The following SGCZ variants were observed in gnomAD, a reference collection of about 807,000 sequenced individuals.
SGCZ encodes sarcoglycan zeta.
In SGCZ, 40 loss-of-function variants were observed where a neutral mutation model predicts 41.3. The observed-to-expected ratio is 0.97, with a 90% CI of 0.75 to 1.26. The LOEUF is 1.26. Among genes scored for constraint, SGCZ ranks in the 50% most tolerant of loss-of-function variants. SGCZ has a pLI of 0.00. For missense variants in SGCZ, 552 were observed against 369.8 expected, an observed-to-expected ratio of 1.49 and a Z score of -4.04; for synonymous variants, 206 against 137.5, an observed-to-expected ratio of 1.50 and a Z score of -3.49.
At chr8:14,594,218 AAAT>A (rs1490447110) in intron 1 of SGCZ, among the ~76,000 whole-genome samples, 58 of 147,052 alleles carry the variant, frequency 3.9e-4, no homozygotes, top group Admixed American at 1.3e-3. Flanking sequence ...ATAAATAAAT[AAAT>A]AAATAAAATA....
intron 2 of SGCZ, among the ~76,000 whole-genome samples, chr8:14,394,159 T>G (rs1804894509): frequency 4.2e-5 from 6 of 144,136 alleles, no homozygotes; most frequent in African/African-American, 1.6e-4. Context: ...TTTTTTTTTT[T>G]TTTTTTTTTG....
rs1331483850 is a variant in SGCZ at position 15,206,298 on chromosome 8, G to C, written c.39+31287C>G. On this transcript the variant is annotated intron_variant, in intron 1 of 7. Coordinates refer to ENST00000382080, the MANE Select transcript of SGCZ (RefSeq NM_139167.4). ...GAGATCCATATTACAGGCTGAGTTG[G>C]TTGTGAGCAGTACAAAGGGGTTTCT... Among the ~76,000 whole-genome samples the C allele has an allele frequency of 3.3e-5, 5 of 152,128 alleles. No individual in the cohort carries two copies. The East Asian group carries it at 5.8e-4, about 18-fold the overall frequency.
At chr8:14,452,078 A>C (rs189852479) in intron 2 of SGCZ, among the ~76,000 whole-genome samples, 1 of 152,380 alleles carries the variant, frequency 6.6e-6, no homozygotes, top group East Asian at 1.9e-4. Context: ...GGAAATAATC[A>C]AGATGTCCTT....
intron 4 of SGCZ, among the ~76,000 whole-genome samples, chr8:14,228,831 C>G (rs77061142): frequency 6.6e-6 from 1 of 152,110 alleles, no homozygotes; most frequent in East Asian, 1.9e-4. Context: ...TATATTTTGT[C>G]TGGAAAAGGA....
chr8:15,194,583 T>C (rs769850459), intron 1 of SGCZ, among the ~76,000 whole-genome samples: 22 of 151,884 alleles, frequency 1.4e-4, no homozygotes, highest in African/African-American at 4.6e-4. Flanking sequence ...AGGGTTCTAA[T>C]AAAGGGGATG....
At chr8:14,521,059 C>A (rs1802774398) in intron 2 of SGCZ, among the ~76,000 whole-genome samples, 1 of 152,084 alleles carries the variant, frequency 6.6e-6, no homozygotes, top group Non-Finnish European at 1.5e-5. Context: ...CCGTGTACAT[C>A]GTACTCAGCT....
intron 3 of SGCZ, among the ~76,000 whole-genome samples, chr8:14,257,421 A>C (rs1271700347): frequency 6.6e-6 from 1 of 152,108 alleles, no homozygotes; most frequent in Non-Finnish European, 1.5e-5. Flanking sequence ...TTTTACTCTA[A>C]AACTGTTTTT....
chr8:14,984,318 A>C (rs1049325416), intron 1 of SGCZ, among the ~76,000 whole-genome samples: 34 of 152,230 alleles, frequency 2.2e-4, no homozygotes, highest in Non-Finnish European at 4.4e-5. Flanking sequence ...TATTATACAT[A>C]GAACCATAAA....
At chr8:14,617,624 T>A (rs553485453) in intron 1 of SGCZ, among the ~76,000 whole-genome samples, 1 of 152,198 alleles carries the variant, frequency 6.6e-6, no homozygotes, top group Admixed American at 6.5e-5. Flanking sequence ...AACAGAGAAC[T>A]AAATGTGGAG....
intron 1 of SGCZ, among the ~76,000 whole-genome samples, chr8:14,618,462 C>T (rs1322031958): frequency 2.6e-5 from 4 of 152,072 alleles, no homozygotes; most frequent in Admixed American, 2.6e-4. Flanking sequence ...AGAAACAATC[C>T]TGGCATATTC....
chr8:14,349,381 G>T (rs564142222), intron 2 of SGCZ, among the ~76,000 whole-genome samples: 22 of 152,176 alleles, frequency 1.4e-4, no homozygotes, highest in South Asian at 8.3e-4. Context: ...CCCTTTTATA[G>T]TATATATTTG....
intron 3 of SGCZ, among the ~76,000 whole-genome samples, chr8:14,276,169 T>C (rs1189193539): frequency 1.3e-5 from 2 of 152,200 alleles, no homozygotes; most frequent in Non-Finnish European, 2.9e-5. Flanking sequence ...TGGGTGGGCA[T>C]TGAAAGTAGT....
chr8:14,929,551 G>A (rs1052847199), intron 1 of SGCZ, among the ~76,000 whole-genome samples: 9 of 151,460 alleles, frequency 5.9e-5, no homozygotes, highest in African/African-American at 1.7e-4. Context: ...GGCCTCAGGG[G>A]AGTCAAATAA....
At chr8:14,886,798 T>C (rs936889004) in intron 1 of SGCZ, among the ~76,000 whole-genome samples, 2 of 152,148 alleles carry the variant, frequency 1.3e-5, no homozygotes, top group African/African-American at 4.8e-5. Flanking sequence ...TTTGAGTCTT[T>C]AGATCACTTT....
chr8:15,163,863 T>C (rs756549146), intron 1 of SGCZ, among the ~76,000 whole-genome samples: 102 of 152,336 alleles, frequency 6.7e-4, no homozygotes, highest in Non-Finnish European at 1.2e-3. Context: ...TCTTTTGGGC[T>C]GCTATTGAGA....
intron 2 of SGCZ, among the ~76,000 whole-genome samples, chr8:14,520,374 A>G (rs1248722185): frequency 6.6e-6 from 1 of 152,072 alleles, no homozygotes; most frequent in Admixed American, 6.6e-5. Flanking sequence ...GCCCAGTAAA[A>G]CTTGGGCATG....
chr8:15,089,097 T>G (rs1382957915), intron 1 of SGCZ, among the ~76,000 whole-genome samples: 1 of 152,154 alleles, frequency 6.6e-6, no homozygotes, highest in African/African-American at 2.4e-5. Context: ...AAGTCTAACG[T>G]TAAAATGTTG....
intron 3 of SGCZ, among the ~76,000 whole-genome samples, chr8:14,257,364 A>G (rs1465270412): frequency 6.7e-6 from 1 of 149,864 alleles, no homozygotes; most frequent in Non-Finnish European, 1.5e-5. Flanking sequence ...AAAAAAGAAG[A>G]AAGAAAACAA....
chr8:14,355,575 T>C (rs964179746), intron 2 of SGCZ, among the ~76,000 whole-genome samples: 2 of 151,996 alleles, frequency 1.3e-5, no homozygotes, highest in African/African-American at 4.8e-5. Flanking sequence ...TATATGCTCA[T>C]TCTGCTTGAC....
Sources: gnomAD v4.1 joint callset for allele counts (sites outside exome capture counted in the v4.1 genomes callset) on GRCh38, gnomAD v4.1.1 for gene constraint, MANE v1.5 for transcripts, NCBI Gene and HGNC (gene_info 2026-07-23, HGNC 2026-07-21) for gene names.